The following SLC35G5 variants were observed in gnomAD, a reference collection of about 807,000 sequenced individuals.
SLC35G5 encodes the protein solute carrier family 35 member G5, also known as acyl-malonyl condensing enzyme 1-like 2.
In SLC35G5, 14 loss-of-function variants were observed where a neutral mutation model predicts 17.6. That is an observed-to-expected ratio of 0.79 (90% CI 0.52 to 1.24). The LOEUF is 1.24. SLC35G5 is among the 50% of genes most tolerant of loss of function. The pLI, the probability that SLC35G5 is intolerant of heterozygous loss-of-function variation, is 0.00. For synonymous variants in SLC35G5, 236 were observed against 194.9 expected (o/e 1.21, Z -1.76); for missense variants, 541 against 430.3 (o/e 1.26, Z -2.28).
At position 11,331,317 on chromosome 8, in the gene SLC35G5, G is replaced by T. The variant is rs1343588488; in HGVS notation, c.211G>T (p.Glu71Ter). Residue 71 changes from glutamate (E) to a stop codon, truncating the protein, a stop_gained, in exon 1 of 1, where the codon GAG (glutamate) becomes TAG (stop). Coordinates refer to ENST00000382435, the MANE Select transcript of SLC35G5 (RefSeq NM_054028.2). LOFTEE classifies it high-confidence loss of function. ...AYQGSNLPSLELLICRCLFHL... is the reference protein window; with the variant it reads ...AYQGSNLPSL ...CCAGGGTTCCAACCTGCCCTCGCTG[G>T]AGCTGCTCATCTGTCGATGCCTCTT... is the stretch of plus-strand genomic sequence containing the variant. 1 of 1,613,954 alleles carries T rather than the reference G, an allele frequency of 6.2e-7. No homozygotes were observed. Among genetic ancestry groups the T allele is most frequent in the Non-Finnish European group, 8.5e-7 (1 of 1,179,854 alleles).
In SLC35G5 at chr8:11,331,390, TG is replaced by T; in HGVS notation, c.287del (p.Gly96AspfsTer72). Reference protein sequence around the residue: ...LLLKLRGDPLLGPPDIRGWAC... With the variant: ...LLLKLRGDPLXGPPDIRGWAC... ...CTTAAACTGCGTGGCGACCCCCTTC[TG>T]GGACCTCCTGACATCCGAGGCTGGG... On this transcript the variant is annotated frameshift_variant, in exon 1 of 1. Coordinates refer to ENST00000382435, the MANE Select transcript of SLC35G5 (RefSeq NM_054028.2). LOFTEE classifies it high-confidence loss of function. 1.2e-6 allele frequency: 2 copies of T among 1,613,966 alleles called. No homozygotes were observed. Among genetic ancestry groups the T allele is most frequent in the Non-Finnish European group, 8.5e-7 (1 of 1,179,806 alleles).
chr8:11,331,603 T>A lies in SLC35G5; in HGVS notation c.497T>A (p.Ile166Asn), dbSNP rs1195018820. 6.2e-7 allele frequency: 1 copy of A among 1,613,458 alleles called. No individual in the cohort carries two copies. The highest frequency in any genetic ancestry group is 8.5e-7 in the Non-Finnish European group (1 of 1,179,822). ...GAGTGGTGTGGACTGTTGGGCAGCA[T>A]CCTAGGACTAATCATCATTCTGGGA... is the stretch of plus-strand genomic sequence containing the variant. The part of the protein sequence containing the change: ...GYEWCGLLGS[I>N]LGLIIILGPG... The change falls in exon 1 of 1, where the codon ATC becomes AAC. Residue 166 changes from isoleucine (I) to asparagine (N), a missense_variant. Transcript: ENST00000382435.
Position 11,332,228 on chromosome 8 carries a change from A to G in SLC35G5, c.*105A>G. Reference sequence around the variant, plus strand: ...AAAAAAAATAATTATAATAAATCCTAGGAAAGAGTGAAAGTCTAACTTCCA... The same window carrying G: ...AAAAAAAATAATTATAATAAATCCTGGGAAAGAGTGAAAGTCTAACTTCCA... On this transcript the variant is annotated 3_prime_UTR_variant, in exon 1 of 1. Transcript: ENST00000382435. 6.8e-7 allele frequency: 1 copy of G among 1,477,312 alleles called. No homozygotes were observed. Among genetic ancestry groups the G allele is most frequent in the Non-Finnish European group, 9.0e-7 (1 of 1,110,154 alleles). The allele number at this position is 1,477,312 out of a possible 1,614,324, so 91.5% of individuals were successfully genotyped here.
Position 11,331,745 on chromosome 8 carries a change from G to A in SLC35G5, c.639G>A (p.Leu213=). Residue 213 remains leucine (L), a synonymous_variant, in exon 1 of 1, where the codon CTG becomes CTA. Coordinates refer to ENST00000382435, the MANE Select transcript of SLC35G5 (RefSeq NM_054028.2). ...TGGGGCTTCTGGTCTATCGTTCTCT[G>A]CACTTTCCCTCCTGCCTCCCAACAG... ...LSLGLLVYRS[L]HFPSCLPTVA... 1.2e-6 allele frequency: 2 copies of A among 1,611,914 alleles called. No individual in the cohort carries two copies. Among genetic ancestry groups the A allele is most frequent in the Non-Finnish European group, 8.5e-7 (1 of 1,179,822 alleles).
Position 11,331,923 on chromosome 8 carries a change from G to T in SLC35G5, c.817G>T (p.Ala273Ser). Residue 273 changes from alanine to serine, a missense_variant, in exon 1 of 1, where the codon GCG becomes TCG. By Grantham distance (99) the Ala-to-Ser change is moderately conservative. Coordinates refer to ENST00000382435, the MANE Select transcript of SLC35G5 (RefSeq NM_054028.2). Reference protein sequence around the residue: ...ALVSFTCVGYAVTKAHPALVC... With the variant: ...ALVSFTCVGYSVTKAHPALVC... ...GGTCTCCTTCACATGTGTGGGCTAT[G>T]CGGTCACCAAGGCCCACCCTGCCCT... 6.2e-7 allele frequency: 1 copy of T among 1,612,060 alleles called. No individual in the cohort carries two copies. Among genetic ancestry groups the T allele is most frequent in the Non-Finnish European group, 8.5e-7 (1 of 1,179,870 alleles).
In SLC35G5 at chr8:11,331,530, T is replaced by G; in HGVS notation, c.424T>G (p.Ser142Ala). 1 of 1,613,416 alleles carries G rather than the reference T, an allele frequency of 6.2e-7. No homozygotes were observed. Among genetic ancestry groups the G allele is most frequent in the Non-Finnish European group, 8.5e-7 (1 of 1,179,806 alleles). ...TVRKGSSTVC[S>A]AVLTLCLESQ... ...TCGCAAAGGTTCTTCCACCGTATGCTCCGCTGTCCTCACCCTCTGCCTTGA... is the reference window on the plus strand; with the variant it reads ...TCGCAAAGGTTCTTCCACCGTATGCGCCGCTGTCCTCACCCTCTGCCTTGA... The change falls in exon 1 of 1, where the codon TCC (serine) becomes GCC (alanine). Residue 142 changes from serine (S) to alanine (A), a missense_variant. Transcript: ENST00000382435.
Position 11,332,274 on chromosome 8 carries a change from A to C in SLC35G5, c.*151A>C. ...TTCCATAGCACATTATAATATTGAG[A>C]TGTTCAGTTATAATAAAAATATCAC... On this transcript the variant is annotated 3_prime_UTR_variant, in exon 1 of 1. Transcript: ENST00000382435. 20 of 1,238,028 alleles carry C rather than the reference A, an allele frequency of 1.6e-5. No individual in the cohort carries two copies. Among genetic ancestry groups the C allele is most frequent in the Non-Finnish European group, 2.2e-5 (20 of 926,748 alleles). The allele number at this position is 1,238,028 out of a possible 1,614,324, so 76.7% of individuals were successfully genotyped here. A position where few individuals can be genotyped will look rare whatever the true frequency, so the allele number is the denominator to read the frequency against.
At position 11,331,591 on chromosome 8, in the gene SLC35G5, T is replaced by G; in HGVS notation, c.485T>G (p.Leu162Arg). The G allele has an allele frequency of 6.2e-7, 1 of 1,610,844 alleles. No homozygotes were observed. Among genetic ancestry groups the G allele is most frequent in the South Asian group, 1.1e-5 (1 of 90,858 alleles). Reference protein sequence around the residue: ...QGLGGYEWCGLLGSILGLIII... With the variant: ...QGLGGYEWCGRLGSILGLIII... ...CTCGGTGGCTACGAGTGGTGTGGACTGTTGGGCAGCATCCTAGGACTAATC... is the reference window on the plus strand; with the variant it reads ...CTCGGTGGCTACGAGTGGTGTGGACGGTTGGGCAGCATCCTAGGACTAATC... Residue 162 changes from leucine to arginine, a missense_variant, in exon 1 of 1, where the codon CTG (leucine) becomes CGG (arginine). Physicochemically the swap from Leu to Arg is moderately radical, Grantham distance 102. Transcript: ENST00000382435.
rs1201432484 is a variant in SLC35G5 at position 11,331,332 on chromosome 8, C to T, written c.226C>T (p.Arg76Ter). The T allele has an allele frequency of 2.3e-5, 37 of 1,613,840 alleles. No individual in the cohort carries two copies. Among genetic ancestry groups the T allele is most frequent in the East Asian group, 4.5e-5 (2 of 44,888 alleles). The change falls in exon 1 of 1, where the codon CGA becomes TGA. Residue 76 changes from arginine to a stop codon, truncating the protein, a stop_gained. Coordinates refer to ENST00000382435, the MANE Select transcript of SLC35G5 (RefSeq NM_054028.2). LOFTEE classifies it high-confidence loss of function. ...GCCCTCGCTGGAGCTGCTCATCTGT[C>T]GATGCCTCTTCCACCTCCCTATTGC... Reference protein sequence around the residue: ...NLPSLELLICRCLFHLPIALL... With the variant: ...NLPSLELLIC
chr8:11,332,308 C>G lies in SLC35G5; in HGVS notation c.*185C>G, dbSNP rs1801269265. On this transcript the variant is annotated 3_prime_UTR_variant, in exon 1 of 1. Transcript: ENST00000382435. ...TATAATAAAAATATCACAAAGCATG[C>G]AAACAAATGAGAAATCTGGCTTATT... 3 of 1,056,758 alleles carry G rather than the reference C, an allele frequency of 2.8e-6. No homozygotes were observed. The South Asian group carries it at 7.1e-5, about 25-fold the overall frequency. The allele number at this position is 1,056,758 out of a possible 1,614,324, so 65.5% of individuals were successfully genotyped here.
chr8:11,332,197 T>C lies in SLC35G5; in HGVS notation c.*74T>C. ...ACAAAGACTGAAGACAAAAAAAAAA[T>C]AAAAGAAAAAAAATAATTATAATAA... On this transcript the variant is annotated 3_prime_UTR_variant, in exon 1 of 1. Coordinates refer to ENST00000382435, the MANE Select transcript of SLC35G5 (RefSeq NM_054028.2). 3 of 1,512,360 alleles carry C rather than the reference T, an allele frequency of 2.0e-6. No homozygotes were observed. The highest frequency in any genetic ancestry group is 2.6e-6 in the Non-Finnish European group (3 of 1,135,828). The allele number at this position is 1,512,360 out of a possible 1,614,324, so 93.7% of individuals were successfully genotyped here.
In SLC35G5 at chr8:11,331,544, C is replaced by A. The variant is rs772963039; in HGVS notation, c.438C>A (p.Thr146=). ...CCACCGTATGCTCCGCTGTCCTCAC[C>A]CTCTGCCTTGAGAGCCAGGGTCTCG... is the stretch of plus-strand genomic sequence containing the variant. The part of the protein sequence containing the change: ...GSSTVCSAVL[T]LCLESQGLGG... Residue 146 remains threonine, a synonymous_variant, in exon 1 of 1, where the codon ACC becomes ACA. Transcript: ENST00000382435. 3.1e-6 allele frequency: 5 copies of A among 1,613,792 alleles called. No individual in the cohort carries two copies. Among genetic ancestry groups the A allele is most frequent in the Non-Finnish European group, 2.5e-6 (3 of 1,179,844 alleles).
rs1801266272 is a variant in SLC35G5 at position 11,332,234 on chromosome 8, G to C, written c.*111G>C. The C allele has an allele frequency of 6.8e-7, 1 of 1,466,376 alleles. No homozygotes were observed. Among genetic ancestry groups the C allele is most frequent in the Non-Finnish European group, 9.1e-7 (1 of 1,102,254 alleles). 90.8% of individuals were successfully genotyped at this position (1,466,376 alleles called of 1,614,324 possible). ...AATAATTATAATAAATCCTAGGAAA[G>C]AGTGAAAGTCTAACTTCCATAGCAC... On this transcript the variant is annotated 3_prime_UTR_variant, in exon 1 of 1. Coordinates refer to ENST00000382435, the MANE Select transcript of SLC35G5 (RefSeq NM_054028.2).
chr8:11,331,779 C>A lies in SLC35G5; in HGVS notation c.673C>A (p.Leu225Ile), dbSNP rs764258190. Residue 225 changes from leucine (L) to isoleucine (I), a missense_variant, in exon 1 of 1, where the codon CTA becomes ATA. Transcript: ENST00000382435. ...CTCCTGCCTCCCAACAGTGGCCTTC[C>A]TATCTGGCTTGGTGGGGCTGCTGGG... is the stretch of plus-strand genomic sequence containing the variant. Reference protein sequence around the residue: ...FPSCLPTVAFLSGLVGLLGCV... With the variant: ...FPSCLPTVAFISGLVGLLGCV... The A allele has an allele frequency of 1.1e-5, 18 of 1,611,556 alleles. No individual in the cohort carries two copies. Among genetic ancestry groups the A allele is most frequent in the Non-Finnish European group, 1.5e-5 (18 of 1,179,692 alleles).
chr8:11,332,126 T>A lies in SLC35G5; in HGVS notation c.*3T>A. 1.9e-6 allele frequency: 3 copies of A among 1,609,894 alleles called. No individual in the cohort carries two copies. Among genetic ancestry groups the A allele is most frequent in the Non-Finnish European group, 2.5e-6 (3 of 1,179,522 alleles). ...GGACAGGGAAGGTGGAGGAGTGAGA[T>A]AGAACTTGGGAGCCCGGGGGTTGGG... is the stretch of plus-strand genomic sequence containing the variant. On this transcript the variant is annotated 3_prime_UTR_variant, in exon 1 of 1. Coordinates refer to ENST00000382435, the MANE Select transcript of SLC35G5 (RefSeq NM_054028.2).
rs750787103 is a variant in SLC35G5 at position 11,331,097 on chromosome 8, C to T, written c.-10C>T. The T allele has an allele frequency of 1.9e-6, 3 of 1,583,048 alleles. No individual in the cohort carries two copies. The highest frequency in any genetic ancestry group is 1.8e-4 in the Middle Eastern group (1 of 5,676). ...CTGAGCCAGGAGGAGAGGAGAAAGT[C>T]CAAGGAAAGATGGCTGGCAGTCACC... On this transcript the variant is annotated 5_prime_UTR_variant, in exon 1 of 1. Transcript: ENST00000382435.
At position 11,331,066 on chromosome 8, in the gene SLC35G5, G is replaced by C; in HGVS notation, c.-41G>C. 1 of 1,556,242 alleles carries C rather than the reference G, an allele frequency of 6.4e-7. No homozygotes were observed. Among genetic ancestry groups the C allele is most frequent in the Non-Finnish European group, 8.7e-7 (1 of 1,154,774 alleles). On this transcript the variant is annotated 5_prime_UTR_variant, in exon 1 of 1. Coordinates refer to ENST00000382435, the MANE Select transcript of SLC35G5 (RefSeq NM_054028.2). Reference sequence around the variant, plus strand: ...AATGGCTGGAGCTCTGAGGGGCCCAGGCTCCCTGAGCCAGGAGGAGAGGAG... The same window carrying C: ...AATGGCTGGAGCTCTGAGGGGCCCACGCTCCCTGAGCCAGGAGGAGAGGAG...
Position 11,331,887 on chromosome 8 carries a change from A to T in SLC35G5, c.781A>T (p.Ile261Phe), listed in dbSNP as rs774606269. 1.9e-6 allele frequency: 3 copies of T among 1,611,832 alleles called. No homozygotes were observed. Among genetic ancestry groups the T allele is most frequent in the Non-Finnish European group, 2.5e-6 (3 of 1,179,814 alleles). Residue 261 changes from isoleucine (I) to phenylalanine (F), a missense_variant, in exon 1 of 1, where the codon ATC (isoleucine) becomes TTC (phenylalanine). By Grantham distance (21) the Ile-to-Phe change is conservative. Coordinates refer to ENST00000382435, the MANE Select transcript of SLC35G5 (RefSeq NM_054028.2). ...TTGGAGTTGTGTGGGGGCAGAGGGG[A>T]TCCTCGCCTTGGTCTCCTTCACATG... is the stretch of plus-strand genomic sequence containing the variant. The part of the protein sequence containing the change: ...LSWSCVGAEG[I>F]LALVSFTCVG...
chr8:11,331,555 A>G lies in SLC35G5; in HGVS notation c.449A>G (p.Glu150Gly). 6.2e-7 allele frequency: 1 copy of G among 1,613,420 alleles called. No homozygotes were observed. The highest frequency in any genetic ancestry group is 8.5e-7 in the Non-Finnish European group (1 of 1,179,770). Residue 150 changes from glutamate (E) to glycine (G), a missense_variant, in exon 1 of 1, where the codon GAG (glutamate) becomes GGG (glycine). Glu to Gly is a moderately conservative substitution (Grantham distance 98). Coordinates refer to ENST00000382435, the MANE Select transcript of SLC35G5 (RefSeq NM_054028.2). ...VCSAVLTLCL[E>G]SQGLGGYEWC... ...TCCGCTGTCCTCACCCTCTGCCTTG[A>G]GAGCCAGGGTCTCGGTGGCTACGAG...
Sources: allele counts gnomAD v4.1 joint callset, GRCh38; gene constraint gnomAD v4.1.1; transcripts MANE v1.5; gene names NCBI Gene and HGNC (gene_info 2026-07-23, HGNC 2026-07-21).